B3GALT1: variants seen among roughly 807,000 people sequenced by gnomAD.
The protein encoded by B3GALT1 is beta-1,3-galactosyltransferase 1.
In B3GALT1, 10 loss-of-function variants were observed where a neutral mutation model predicts 23.2. The observed-to-expected ratio is 0.43, with a 90% CI of 0.27 to 0.73. The LOEUF (loss-of-function observed/expected upper bound fraction) is 0.73. Ranked by LOEUF, B3GALT1 falls within the 30% of genes least tolerant of loss-of-function variation. The probability of loss-of-function intolerance (pLI) is 0.21; values close to 1 mark genes in which losing one functional copy is unlikely to be tolerated. For synonymous variants in B3GALT1, 156 were observed against 141.5 expected (o/e 1.10, Z -0.73); for missense variants, 299 against 405.4 (o/e 0.74, Z 2.25).
At chr2:167,621,761 T>C (rs888382122) in intron 2 of B3GALT1, among the ~76,000 whole-genome samples, 1 of 152,050 alleles carries the variant, frequency 6.6e-6, no homozygotes, top group South Asian at 2.1e-4. Context: ...CTGATGGTTT[T>C]ATAAGGGGCT....
chr2:167,318,093 C>T (rs569943612), intron 1 of B3GALT1, among the ~76,000 whole-genome samples: 2 of 152,026 alleles, frequency 1.3e-5, no homozygotes, highest in Admixed American at 6.5e-5. Flanking sequence ...TTTGGGAGGC[C>T]GAGGCGGGTG....
chr2:167,445,593 G>T (rs766574267), intron 1 of B3GALT1, among the ~76,000 whole-genome samples: 4 of 152,058 alleles, frequency 2.6e-5, no homozygotes, highest in Non-Finnish European at 5.9e-5. Context: ...CTCTTCTTGT[G>T]GAATTGATCC....
At chr2:167,431,715 T>C (rs1698707579) in intron 1 of B3GALT1, among the ~76,000 whole-genome samples, 1 of 152,220 alleles carries the variant, frequency 6.6e-6, no homozygotes, top group Non-Finnish European at 1.5e-5. Flanking sequence ...ATTAGGATAC[T>C]TGTTTTAAAA....
intron 1 of B3GALT1, among the ~76,000 whole-genome samples, chr2:167,458,246 A>G (rs1202807085): frequency 6.6e-6 from 1 of 152,214 alleles, no homozygotes; most frequent in African/African-American, 2.4e-5. Flanking sequence ...TTCATTTAGC[A>G]AAATGTTCTC....
intron 2 of B3GALT1, among the ~76,000 whole-genome samples, chr2:167,494,699 C>A (rs145964086): frequency 2.0e-5 from 3 of 152,024 alleles, no homozygotes; most frequent in Admixed American, 6.5e-5. Flanking sequence ...TTTAGTCATA[C>A]GTTTTTAATT....
In B3GALT1 at chr2:167,838,534, A is replaced by T. The variant is rs559213312; in HGVS notation, c.-230+19741A>T. On this transcript the variant is annotated intron_variant, in intron 4 of 4. Transcript: ENST00000392690. ...AGGAGCTGCAATTGTGGTAATAATC[A>T]ATAGCTTACCGACCATAAAGAGTCC... Among the ~76,000 whole-genome samples, 227 of 152,412 alleles carry T rather than the reference A, an allele frequency of 1.5e-3. 1 individual carries two copies. The highest frequency in any genetic ancestry group is 5.2e-3 in the African/African-American group (216 of 41,600).
At chr2:167,753,193 T>G (rs530042060) in intron 3 of B3GALT1, among the ~76,000 whole-genome samples, 6 of 152,226 alleles carry the variant, frequency 3.9e-5, no homozygotes, top group Admixed American at 2.0e-4. Flanking sequence ...TCATTTTAAA[T>G]AAAGAAAAAC....
intron 1 of B3GALT1, among the ~76,000 whole-genome samples, chr2:167,413,370 C>T (rs955978367): frequency 5.9e-5 from 9 of 152,060 alleles, no homozygotes; most frequent in Non-Finnish European, 1.2e-4. Context: ...ATGATTTAAA[C>T]ATAACAGTGG....
intron 4 of B3GALT1, among the ~76,000 whole-genome samples, chr2:167,855,993 A>C (rs931967768): frequency 6.6e-6 from 1 of 152,194 alleles, no homozygotes; most frequent in East Asian, 1.9e-4. Flanking sequence ...ATGGAAAGTC[A>C]TCTCTAAAGG....
chr2:167,564,333 C>T (rs997631135), intron 2 of B3GALT1, among the ~76,000 whole-genome samples: 1 of 151,256 alleles, frequency 6.6e-6, no homozygotes, highest in African/African-American at 2.4e-5. Context: ...CTCCCCACCT[C>T]CTAGATGGGA....
rs139414612 is a variant in B3GALT1, at chr2:167,523,851, A to G, written c.-410+33574A>G. The stretch of plus-strand genomic sequence containing the variant: ...ACAAAGACATTTTATTTTCTCACAT[A>G]TAAAGTTGCCTCATTTTTTAATGGA... On this transcript the variant is annotated intron_variant, in intron 2 of 4. Coordinates refer to ENST00000392690, the MANE Select transcript of B3GALT1 (RefSeq NM_020981.4). Among the ~76,000 whole-genome samples, 759 of 138,922 alleles carry G rather than the reference A, an allele frequency of 5.5e-3. 2 individuals are homozygous for G. Among genetic ancestry groups the G allele is most frequent in the Non-Finnish European group, 8.2e-3 (532 of 65,140 alleles). The allele number at this position is 138,922 out of a possible 152,430, so 91.1% of individuals were successfully genotyped here. A position where few individuals can be genotyped will look rare whatever the true frequency, so the allele number is the denominator to read the frequency against.
chr2:167,781,389 C>G (rs981973086), intron 3 of B3GALT1, among the ~76,000 whole-genome samples: 15 of 152,230 alleles, frequency 9.9e-5, no homozygotes, highest in African/African-American at 3.4e-4. Flanking sequence ...GGTTTTTTCA[C>G]AGGAACTTTC....
chr2:167,580,239 T>C (rs1684459358), intron 2 of B3GALT1, among the ~76,000 whole-genome samples: 1 of 152,118 alleles, frequency 6.6e-6, no homozygotes, highest in Non-Finnish European at 1.5e-5. Flanking sequence ...GATGATAAAA[T>C]TTAAACAAAA....
intron 2 of B3GALT1, among the ~76,000 whole-genome samples, chr2:167,615,669 A>G (rs965962202): frequency 6.6e-6 from 1 of 152,112 alleles, no homozygotes; most frequent in Non-Finnish European, 1.5e-5. Flanking sequence ...AAAAAATTGA[A>G]AAGCAAACAA....
chr2:167,801,449 A>T (rs1206297587), intron 3 of B3GALT1, among the ~76,000 whole-genome samples: 1 of 152,202 alleles, frequency 6.6e-6, no homozygotes, highest in Non-Finnish European at 1.5e-5. Context: ...GTTTTCATTC[A>T]CTTCACGTCA....
intron 1 of B3GALT1, among the ~76,000 whole-genome samples, chr2:167,481,476 G>GT (rs1699563361): frequency 6.7e-6 from 1 of 148,198 alleles, no homozygotes; most frequent in Admixed American, 6.7e-5. Context: ...ATGCTAAAAT[G>GT]TTTTTGCTAT....
At chr2:167,859,356 A>T (rs1304359926) in intron 4 of B3GALT1, among the ~76,000 whole-genome samples, 9 of 152,174 alleles carry the variant, frequency 5.9e-5, no homozygotes, top group Non-Finnish European at 1.2e-4. Flanking sequence ...TAGTGATGTT[A>T]AAAAATTCTC....
chr2:167,782,579 A>G (rs542758896), intron 3 of B3GALT1, among the ~76,000 whole-genome samples: 1 of 152,352 alleles, frequency 6.6e-6, no homozygotes, highest in East Asian at 1.9e-4. Flanking sequence ...TTTAAATGCA[A>G]CAATATCACA....
intron 3 of B3GALT1, among the ~76,000 whole-genome samples, chr2:167,726,843 T>C (rs1350163440): frequency 6.6e-6 from 1 of 152,254 alleles, no homozygotes; most frequent in East Asian, 1.9e-4. Context: ...TCATTGTTGT[T>C]TACATGTAAG....
Sources: gnomAD v4.1 joint callset for allele counts (sites outside exome capture counted in the v4.1 genomes callset) on GRCh38, gnomAD v4.1.1 for gene constraint, MANE v1.5 for transcripts, NCBI Gene and HGNC (gene_info 2026-07-23, HGNC 2026-07-21) for gene names.